The following SLC4A10 variants were observed in gnomAD, a reference collection of about 807,000 sequenced individuals.
The protein encoded by SLC4A10 is solute carrier family 4 member 10.
A neutral mutation model predicts 137.7 loss-of-function variants in SLC4A10; 42 were observed. The ratio of observed to expected loss-of-function variants is 0.30; its 90% CI spans 0.24 to 0.39. The LOEUF (loss-of-function observed/expected upper bound fraction) is 0.39, where lower values mean the gene tolerates loss of function less well. Ranked by LOEUF, SLC4A10 falls within the 10% of genes least tolerant of loss-of-function variation. The pLI is 1.00. For synonymous variants in SLC4A10, 474 were observed against 464.1 expected (o/e 1.02, Z -0.27); for missense variants, 925 against 1,355.0 (o/e 0.68, Z 4.98).
chr2:161,624,602 G>A (rs1411689285), intron 1 of SLC4A10, 36 bp downstream of exon 1: 90 of 1,551,120 alleles, frequency 5.8e-5, no homozygotes, highest in African/African-American at 1.1e-4. Flanking sequence ...GATTAACCGC[G>A]TTTGCTGCAA....
At chr2:161,699,001 A>G (rs993570922) in intron 1 of SLC4A10, among the ~76,000 whole-genome samples, 2 of 152,002 alleles carry the variant, frequency 1.3e-5, no homozygotes, top group Admixed American at 6.6e-5. Context: ...TTATTGGTCC[A>G]TTCAGTGATT....
intron 10 of SLC4A10, among the ~76,000 whole-genome samples, chr2:161,891,388 GT>G (rs1202104570): frequency 2.6e-5 from 4 of 152,068 alleles, no homozygotes; most frequent in Non-Finnish European, 4.4e-5. Flanking sequence ...CTTGAAGAAT[GT>G]TTTCCAACTT....
intron 4 of SLC4A10, among the ~76,000 whole-genome samples, chr2:161,849,314 T>C (rs945846018): frequency 1.3e-5 from 2 of 152,100 alleles, no homozygotes; most frequent in African/African-American, 4.8e-5. Flanking sequence ...GAGATTATGG[T>C]TTTCCTAGGT....
At chr2:161,634,895 A>G (rs1007498112) in intron 1 of SLC4A10, among the ~76,000 whole-genome samples, 2 of 152,032 alleles carry the variant, frequency 1.3e-5, no homozygotes, top group African/African-American at 4.8e-5. Flanking sequence ...AGTAACCACT[A>G]TTCTATTCTC....
chr2:161,928,193 TA>T (rs1269991140), intron 15 of SLC4A10, among the ~76,000 whole-genome samples: 2 of 148,600 alleles, frequency 1.3e-5, no homozygotes, highest in African/African-American at 4.9e-5. Context: ...TATGCAGCCA[TA>T]AAAAATGATG....
chr2:161,670,856 G>A (rs528969279), intron 1 of SLC4A10, among the ~76,000 whole-genome samples: 1 of 152,174 alleles, frequency 6.6e-6, no homozygotes, highest in East Asian at 1.9e-4. Context: ...CTTCTATGCA[G>A]CTTTTTCAGA....
At chr2:161,795,615 T>A (rs2054684361) in intron 2 of SLC4A10, among the ~76,000 whole-genome samples, 1 of 152,094 alleles carries the variant, frequency 6.6e-6, no homozygotes, top group Non-Finnish European at 1.5e-5. Flanking sequence ...CTTGGAAGAT[T>A]TTAAGTATAC....
chr2:161,929,869 A>G (rs754752309), intron 15 of SLC4A10, among the ~76,000 whole-genome samples: 2 of 152,328 alleles, frequency 1.3e-5, no homozygotes, highest in South Asian at 2.1e-4. Flanking sequence ...AAATCAGAGT[A>G]TCCATTCTGG....
chr2:161,849,566 G>A (rs1275236561), intron 4 of SLC4A10, among the ~76,000 whole-genome samples: 3 of 152,020 alleles, frequency 2.0e-5, no homozygotes, highest in African/African-American at 2.4e-5. Context: ...TTATTTTGTG[G>A]TGTACACCTT....
At chr2:161,854,547 C>T (rs2059996476) in intron 4 of SLC4A10, among the ~76,000 whole-genome samples, 1 of 152,060 alleles carries the variant, frequency 6.6e-6, no homozygotes, top group African/African-American at 2.4e-5. Flanking sequence ...AGAAAATTAC[C>T]AAGAGACTAA....
At chr2:161,626,827 T>C (rs1046570184) in intron 1 of SLC4A10, among the ~76,000 whole-genome samples, 1 of 152,138 alleles carries the variant, frequency 6.6e-6, no homozygotes, top group Non-Finnish European at 1.5e-5. Flanking sequence ...CATTACATTC[T>C]TAACCAAGCT....
At chr2:161,925,690 G>A (rs1441647125) in intron 15 of SLC4A10, among the ~76,000 whole-genome samples, 1 of 151,964 alleles carries the variant, frequency 6.6e-6, no homozygotes, top group Non-Finnish European at 1.5e-5. Context: ...TGGGCATTTA[G>A]TGCTATAAAC....
intron 1 of SLC4A10, among the ~76,000 whole-genome samples, chr2:161,693,089 A>T (rs1275373210): frequency 1.3e-5 from 2 of 152,076 alleles, no homozygotes; most frequent in Admixed American, 1.3e-4. Flanking sequence ...CTGGAGAAAA[A>T]GGCAAGTTCG....
At chr2:161,668,579 C>A (rs2105768186) in intron 1 of SLC4A10, among the ~76,000 whole-genome samples, 1 of 151,872 alleles carries the variant, frequency 6.6e-6, no homozygotes, top group East Asian at 1.9e-4. Context: ...AGTGTTTTAT[C>A]AACCTTATGA....
intron 1 of SLC4A10, among the ~76,000 whole-genome samples, chr2:161,747,740 A>G (rs989641969): frequency 6.6e-6 from 1 of 152,134 alleles, no homozygotes; most frequent in African/African-American, 2.4e-5. Context: ...GCTATTGTGA[A>G]TGCTGCAATG....
chr2:161,648,075 G>A (rs750679424), intron 1 of SLC4A10, among the ~76,000 whole-genome samples: 1 of 152,156 alleles, frequency 6.6e-6, no homozygotes, highest in Non-Finnish European at 1.5e-5. Context: ...TAAGGCAGCA[G>A]CATTATTTTC....
chr2:161,693,103 G>C (rs2042162253), intron 1 of SLC4A10, among the ~76,000 whole-genome samples: 1 of 152,038 alleles, frequency 6.6e-6, no homozygotes, highest in East Asian at 1.9e-4. Flanking sequence ...AAGTTCGAGT[G>C]TATCACTTTA....
chr2:161,823,402 G>A (rs539413494), intron 3 of SLC4A10, among the ~76,000 whole-genome samples: 7 of 152,288 alleles, frequency 4.6e-5, no homozygotes, highest in East Asian at 3.9e-4. Flanking sequence ...TGCTAATCAC[G>A]TCTACCTGAG....
At chr2:161,930,301 A>G (rs1164789722) in intron 15 of SLC4A10, among the ~76,000 whole-genome samples, 3 of 152,276 alleles carry the variant, frequency 2.0e-5, no homozygotes, top group African/African-American at 4.8e-5. Flanking sequence ...TTCTTTAAAC[A>G]GAACAAAAAT....
Sources: gnomAD v4.1 joint callset for allele counts (sites outside exome capture counted in the v4.1 genomes callset) on GRCh38, gnomAD v4.1.1 for gene constraint, MANE v1.5 for transcripts, NCBI Gene and HGNC (gene_info 2026-07-23, HGNC 2026-07-21) for gene names.